Variants in DLEC1 observed in about 807,000 individuals in gnomAD.
DLEC1 encodes the protein DLEC1 cilia and flagella associated protein.
Under a neutral mutation model 198.1 loss-of-function variants are expected in DLEC1, and 146 were observed. The observed-to-expected ratio is 0.74, with a 90% CI of 0.64 to 0.85. The LOEUF (loss-of-function observed/expected upper bound fraction) is 0.85. Among genes scored for constraint, DLEC1 ranks in the 40% least tolerant of loss-of-function variants. The pLI is 0.00. For missense variants in DLEC1, 2,233 were observed against 2,220.0 expected (o/e 1.01, Z -0.12); for synonymous variants, 897 against 866.8 (o/e 1.03, Z -0.61).
At chr3:38,084,938 T>C (rs12629845) in intron 7 of DLEC1, among the ~76,000 whole-genome samples, 64,867 of 151,918 alleles carry the variant, frequency 0.43, 14,479 homozygotes, top group East Asian at 0.59. Context: ...GTATTTGTCT[T>C]AAGAACAACT....
In DLEC1 at chr3:38,117,289, G is replaced by A. The variant is rs199537711; in HGVS notation, c.4387G>A (p.Val1463Met). The A allele has an allele frequency of 1.5e-5, 25 of 1,614,106 alleles. No homozygotes were observed. The highest frequency in any genetic ancestry group is 8.9e-5 in the East Asian group (4 of 44,874). ...GPLKLDLHSY[V>M]RPAQLSVELD... Reference sequence around the variant, plus strand: ...CCTGAAACTGGACCTGCATAGCTACGTGAGGCCTGCACAGTGAGTCAGCTG... The same window carrying A: ...CCTGAAACTGGACCTGCATAGCTACATGAGGCCTGCACAGTGAGTCAGCTG... Residue 1463 changes from valine to methionine, a missense_variant, in exon 31 of 37, where the codon GTG becomes ATG. Transcript: ENST00000308059.
intron 2 of DLEC1, among the ~76,000 whole-genome samples, chr3:38,050,101 C>T (rs1701042716): frequency 6.6e-6 from 1 of 151,772 alleles, no homozygotes; most frequent in Non-Finnish European, 1.5e-5. Flanking sequence ...CAGGGTCTCG[C>T]TTCATCACCC....
At chr3:38,114,629 G>A (rs1700055385) in intron 26 of DLEC1, among the ~76,000 whole-genome samples, 169 bp downstream of exon 26, 1 of 152,186 alleles carries the variant, frequency 6.6e-6, no homozygotes, top group Admixed American at 6.5e-5. Context: ...GGTGGCCTCA[G>A]GGGACGTGGC....
chr3:38,078,499 G>C (rs1471047598), intron 6 of DLEC1, among the ~76,000 whole-genome samples: 1 of 152,168 alleles, frequency 6.6e-6, no homozygotes, highest in Non-Finnish European at 1.5e-5. Flanking sequence ...TTGTTGTTTT[G>C]TAACAGATTG....
At position 38,116,616 on chromosome 3, in the gene DLEC1, C is replaced by T; in HGVS notation, c.4020C>T (p.Gly1340=). ...PEGGCLLWSP[G]PSSSSEFSHE... is the part of the protein sequence containing the mutation. ...GTGGCTGCCTCCTCTGGTCCCCAGGCCCCTCCAGTTCATCGGAATTCAGCC... is the reference window on the plus strand; with the variant it reads ...GTGGCTGCCTCCTCTGGTCCCCAGGTCCCTCCAGTTCATCGGAATTCAGCC... Residue 1340 remains glycine (G), a synonymous_variant, in exon 28 of 37, where the codon GGC becomes GGT. Coordinates refer to ENST00000308059, the MANE Select transcript of DLEC1 (RefSeq NM_007335.4). 6.2e-7 allele frequency: 1 copy of T among 1,614,122 alleles called. No individual in the cohort carries two copies. Among genetic ancestry groups the T allele is most frequent in the Non-Finnish European group, 8.5e-7 (1 of 1,179,990 alleles).
chr3:38,102,731 A>G (rs1187975799), intron 19 of DLEC1, among the ~76,000 whole-genome samples: 1 of 152,246 alleles, frequency 6.6e-6, no homozygotes, highest in Non-Finnish European at 1.5e-5. Flanking sequence ...CATCAGAGAA[A>G]GGGACCTTTG....
intron 7 of DLEC1, among the ~76,000 whole-genome samples, chr3:38,084,650 C>T (rs1029969563): frequency 7.2e-6 from 1 of 138,232 alleles, no homozygotes; most frequent in African/African-American, 2.7e-5. Flanking sequence ...GCCTCAAAGT[C>T]ACTTGCTGGG....
At chr3:38,096,114 A>G (rs866046104) in intron 14 of DLEC1, among the ~76,000 whole-genome samples, 168 bp downstream of exon 14, 10 of 152,136 alleles carry the variant, frequency 6.6e-5, no homozygotes, top group Middle Eastern at 3.2e-3. Context: ...CAGCCCTGCA[A>G]TGGGCTGAGC....
intron 17 of DLEC1, 42 bp from the exon 18 acceptor site, chr3:38,097,702 C>G (rs574287410): frequency 6.2e-7 from 1 of 1,613,466 alleles, no homozygotes; most frequent in East Asian, 2.2e-5. Context: ...GACACTGAGC[C>G]ATCCCCAGGT....
intron 1 of DLEC1, 79 bp downstream of exon 1, chr3:38,039,715 C>A: frequency 6.7e-7 from 1 of 1,496,134 alleles, no homozygotes; most frequent in East Asian, 2.3e-5. Flanking sequence ...TGCCAGGTGC[C>A]AGGCGCTGTT....
chr3:38,075,909 G>A lies in DLEC1; in HGVS notation c.1174-8249G>A, dbSNP rs146498982. Reference sequence around the variant, plus strand: ...GTACTTGCCCCTCCCCTAGAAAAGCGGGACTTGCCACTAAGGGTGAAAGAC... The same window carrying A: ...GTACTTGCCCCTCCCCTAGAAAAGCAGGACTTGCCACTAAGGGTGAAAGAC... On this transcript the variant is annotated intron_variant, in intron 6 of 36. Transcript: ENST00000308059. Among the ~76,000 whole-genome samples, 405 of 152,212 alleles carry A rather than the reference G, an allele frequency of 2.7e-3. 2 individuals are homozygous for A. Among genetic ancestry groups the A allele is most frequent in the South Asian group, 6.4e-3 (31 of 4,818 alleles).
chr3:38,096,446 C>G, intron 14 of DLEC1, 123 bp from the exon 15 acceptor site: 3 of 1,169,346 alleles, frequency 2.6e-6, no homozygotes, highest in Non-Finnish European at 2.4e-6. Context: ...TTAGGGGGCT[C>G]AGGAGCTGTG....
At chr3:38,064,344 A>C (rs1376909108) in intron 6 of DLEC1, among the ~76,000 whole-genome samples, 3 of 152,220 alleles carry the variant, frequency 2.0e-5, no homozygotes, top group Non-Finnish European at 4.4e-5. Flanking sequence ...TTATAGATTA[A>C]CACCATCCCA....
At chr3:38,110,933 CACACATAT>C (rs1368772160) in intron 23 of DLEC1, among the ~76,000 whole-genome samples, 8 of 152,038 alleles carry the variant, frequency 5.3e-5, no homozygotes. Context: ...CACATGCACA[CACACATAT>C]ACATAAACAT....
At chr3:38,046,676 T>C (rs1169418485) in intron 2 of DLEC1, among the ~76,000 whole-genome samples, 1 of 152,186 alleles carries the variant, frequency 6.6e-6, no homozygotes, top group African/African-American at 2.4e-5. Flanking sequence ...TGCATGGCCT[T>C]CCCCAGCACC....
chr3:38,120,524 T>C lies in DLEC1; in HGVS notation c.4781T>C (p.Val1594Ala). 1 of 1,614,120 alleles carries C rather than the reference T, an allele frequency of 6.2e-7. No homozygotes were observed. Among genetic ancestry groups the C allele is most frequent in the Non-Finnish European group, 8.5e-7 (1 of 1,180,006 alleles). Residue 1594 changes from valine (V) to alanine (A), a missense_variant, in exon 34 of 37, where the codon GTG (valine) becomes GCG (alanine). Coordinates refer to ENST00000308059, the MANE Select transcript of DLEC1 (RefSeq NM_007335.4). ...CCAGCTGACCAGACACTGCCTGGGG[T>C]GGACATTCAGCAGAGTGCGAGTGGA... ...KLPADQTLPG[V>A]DIQQSASGER...
rs141705263 is a variant in DLEC1, at chr3:38,057,771, G to A, written c.563-1971G>A. ...GAGTGGGACATGGTGGAGGTTAACT[G>A]TCTTAGCAATGACTTATGGGTACTT... On this transcript the variant is annotated intron_variant, in intron 2 of 36. Coordinates refer to ENST00000308059, the MANE Select transcript of DLEC1 (RefSeq NM_007335.4). Among the ~76,000 whole-genome samples, 9 of 151,542 alleles carry A rather than the reference G, an allele frequency of 5.9e-5. No homozygotes were observed. The East Asian group carries it at 1.7e-3, about 29-fold the overall frequency.
At chr3:38,072,371 C>A (rs1270619974) in intron 6 of DLEC1, among the ~76,000 whole-genome samples, 2 of 152,220 alleles carry the variant, frequency 1.3e-5, no homozygotes, top group Non-Finnish European at 2.9e-5. Flanking sequence ...CGGCAGCAGC[C>A]ACTGCACGGA....
At chr3:38,044,074 C>T (rs1357795652) in intron 1 of DLEC1, among the ~76,000 whole-genome samples, 2 of 151,736 alleles carry the variant, frequency 1.3e-5, no homozygotes, top group African/African-American at 4.8e-5. Flanking sequence ...TTTGAGACCC[C>T]ATCTCTACAA....
Sources: allele counts gnomAD v4.1 joint callset (sites outside exome capture counted in the v4.1 genomes callset), GRCh38; gene constraint gnomAD v4.1.1; transcripts MANE v1.5; gene names NCBI Gene and HGNC (gene_info 2026-07-23, HGNC 2026-07-21).